INSR: variants seen among roughly 807,000 people sequenced by gnomAD.
INSR encodes IR.
INSR carries 67 observed loss-of-function variants against 142.6 expected under a neutral mutation model. That is an observed-to-expected ratio of 0.47 (90% confidence interval 0.39 to 0.58). The LOEUF is 0.58. Among genes scored for constraint, INSR ranks in the 20% least tolerant of loss-of-function variants. The pLI, the probability that INSR is intolerant of heterozygous loss-of-function variation, is 0.00. For synonymous variants in INSR, 756 were observed against 743.1 expected (o/e 1.02, Z -0.28); for missense variants, 1,248 against 1,833.2 (o/e 0.68, Z 5.83).
chr19:7,288,377 C>T (rs1463234185), intron 1 of INSR, among the ~76,000 whole-genome samples: 1 of 151,836 alleles, frequency 6.6e-6, no homozygotes, highest in African/African-American at 2.4e-5. Context: ...GTGGTGCCTG[C>T]CTGTGATCCT....
In INSR at chr19:7,152,748, G is replaced by A. The variant is rs1353116498; in HGVS notation, c.2209C>T (p.His737Tyr). 6.2e-7 allele frequency: 1 copy of A among 1,612,932 alleles called. No individual in the cohort carries two copies. Among genetic ancestry groups the A allele is most frequent in the Non-Finnish European group, 8.5e-7 (1 of 1,179,894 alleles). Residue 737 changes from histidine to tyrosine, a missense_variant, in exon 10 of 22, where the codon CAC (histidine) becomes TAC (tyrosine). This residue lies in a region of INSR where 1,069 missense variants were observed against 1,654.0 expected (regional missense o/e 0.65). Coordinates refer to ENST00000302850, the MANE Select transcript of INSR (RefSeq NM_000208.4). ...GACCTGGGGACGAAAACCACGTTGT[G>A]CAGGTAATCCTCAAACGTCTTCCTA... ...SFRKTFEDYL[H>Y]NVVFVPRKTS... is the part of the protein sequence containing the mutation.
intron 1 of INSR, among the ~76,000 whole-genome samples, chr19:7,280,170 AG>A (rs1444885422): frequency 6.6e-6 from 1 of 152,096 alleles, no homozygotes; most frequent in Non-Finnish European, 1.5e-5. Context: ...AGGCTGAGGC[AG>A]GAGAATGGCG....
intron 2 of INSR, among the ~76,000 whole-genome samples, chr19:7,202,031 T>C (rs1263485874): frequency 6.6e-6 from 1 of 152,170 alleles, no homozygotes; most frequent in Non-Finnish European, 1.5e-5. Context: ...GTTTTATTGA[T>C]TCCTCCCTCT....
chr19:7,290,374 C>A (rs1968458375), intron 1 of INSR, among the ~76,000 whole-genome samples: 1 of 152,064 alleles, frequency 6.6e-6, no homozygotes, highest in South Asian at 2.1e-4. Flanking sequence ...CAACTGCACT[C>A]CAGCCTAAGC....
chr19:7,211,045 T>C (rs987706615), intron 2 of INSR, among the ~76,000 whole-genome samples: 1 of 152,070 alleles, frequency 6.6e-6, no homozygotes, highest in African/African-American at 2.4e-5. Flanking sequence ...TCCAGAAAAA[T>C]TGTCCCCTTG....
chr19:7,218,778 A>G (rs1975513204), intron 2 of INSR, among the ~76,000 whole-genome samples: 1 of 152,156 alleles, frequency 6.6e-6, no homozygotes, highest in Non-Finnish European at 1.5e-5. Context: ...TCCTGACCCC[A>G]GGTGATCCAC....
chr19:7,272,925 C>CA (rs1373087261), intron 1 of INSR, among the ~76,000 whole-genome samples: 8 of 151,972 alleles, frequency 5.3e-5, no homozygotes, highest in Admixed American at 1.3e-4. Context: ...TCCATTCATA[C>CA]AAAAAAATCC....
intron 9 of INSR, among the ~76,000 whole-genome samples, chr19:7,156,659 T>C (rs1020362044): frequency 1.3e-5 from 2 of 151,036 alleles, no homozygotes; most frequent in East Asian, 3.9e-4. Flanking sequence ...TGAGAGGAGA[T>C]AGAGGAAGGA....
Position 7,166,451 on chromosome 19 carries a change from A to G in INSR, c.1611-47T>C, listed in dbSNP as rs1054370084. On this transcript the variant is annotated intron_variant, in intron 7 of 21. Transcript: ENST00000302850. The surrounding 1 kb of genome is among the most constrained non-coding windows in gnomAD (Gnocchi z 4.1). ...AGGCAGTTACCCTTACAAGACCGTC[A>G]CACTGAGTGCCGTGCAGATGAGGCC... 1 of 1,605,516 alleles carries G rather than the reference A, an allele frequency of 6.2e-7. No homozygotes were observed. The highest frequency in any genetic ancestry group is 1.3e-5 in the African/African-American group (1 of 74,952).
rs1225665577 is a variant in INSR at position 7,192,094 on chromosome 19, T to G, written c.653-7457A>C. On this transcript the variant is annotated intron_variant, in intron 2 of 21. Coordinates refer to ENST00000302850, the MANE Select transcript of INSR (RefSeq NM_000208.4). This position sits in a 1 kb window ranked among gnomAD's most constrained non-coding sequence, Gnocchi z 4.2. ...AAAGAAAGAGAGAAAGAAGAAAGAATACAGAAAGAGAAAAAAGAAAAGAAA... is the reference window on the plus strand; with the variant it reads ...AAAGAAAGAGAGAAAGAAGAAAGAAGACAGAAAGAGAAAAAAGAAAAGAAA... 1.3e-5 allele frequency among the ~76,000 whole-genome samples: 1 copy of G among 75,944 alleles called. No homozygotes were observed. Among genetic ancestry groups the G allele is most frequent in the African/African-American group, 5.4e-5 (1 of 18,406 alleles). 49.8% of individuals were successfully genotyped at this position (75,944 alleles called of 152,430 possible).
Position 7,294,022 on chromosome 19 carries a change from G to T in INSR, c.-131C>A. 1 of 1,015,704 alleles carries T rather than the reference G, an allele frequency of 9.8e-7. No homozygotes were observed. Among genetic ancestry groups the T allele is most frequent in the South Asian group, 4.8e-5 (1 of 20,680 alleles). 62.9% of individuals were successfully genotyped at this position (1,015,704 alleles called of 1,614,324 possible). ...TCTCTTCCACGCCCGCGACCCGCGGGCCGCAGCCCCCCTGCCGGGGAGGGC... is the reference window on the plus strand; with the variant it reads ...TCTCTTCCACGCCCGCGACCCGCGGTCCGCAGCCCCCCTGCCGGGGAGGGC... On this transcript the variant is annotated 5_prime_UTR_variant, in exon 1 of 22. Transcript: ENST00000302850.
chr19:7,281,022 T>C (rs2145236867), intron 1 of INSR, among the ~76,000 whole-genome samples: 1 of 152,332 alleles, frequency 6.6e-6, no homozygotes, highest in East Asian at 1.9e-4. Context: ...AACTCTGGAA[T>C]GTCTGACTCC....
intron 1 of INSR, among the ~76,000 whole-genome samples, chr19:7,282,703 A>G (rs1238356763): frequency 6.6e-6 from 1 of 151,430 alleles, no homozygotes; most frequent in African/African-American, 2.4e-5. Flanking sequence ...AATAGGCAAC[A>G]TGGCCAGGCG....
chr19:7,150,461 G>T lies in INSR; in HGVS notation c.2267+36C>A, dbSNP rs371985431. The T allele has an allele frequency of 6.2e-7, 1 of 1,608,686 alleles. No individual in the cohort carries two copies. The highest frequency in any genetic ancestry group is 8.5e-7 in the Non-Finnish European group (1 of 1,175,292). ...GCCTGGCACGCCGCCGGCCCTGCGC[G>T]GAGCAGGCACCAGGGGTCGCACAGG... On this transcript the variant is annotated intron_variant, in intron 11 of 21. Transcript: ENST00000302850. This position sits in a 1 kb window ranked among gnomAD's most constrained non-coding sequence, Gnocchi z 4.2.
At position 7,150,380 on chromosome 19, in the gene INSR, C is replaced by G; in HGVS notation, c.2267+117G>C. Reference sequence around the variant, plus strand: ...TTGGTGAAGCATCTGCTCTCCAGCACAGCTGCCCGCCGCATGCAAAAAGCC... The same window carrying G: ...TTGGTGAAGCATCTGCTCTCCAGCAGAGCTGCCCGCCGCATGCAAAAAGCC... On this transcript the variant is annotated intron_variant, in intron 11 of 21. Transcript: ENST00000302850. This position sits in a 1 kb window ranked among gnomAD's most constrained non-coding sequence, Gnocchi z 4.2. The G allele has an allele frequency of 1.2e-6, 1 of 865,544 alleles. No individual in the cohort carries two copies. Among genetic ancestry groups the G allele is most frequent in the Non-Finnish European group, 1.9e-6 (1 of 523,888 alleles). 53.6% of individuals were successfully genotyped at this position (865,544 alleles called of 1,614,324 possible). A position where few individuals can be genotyped will look rare whatever the true frequency, so the allele number is the denominator to read the frequency against.
chr19:7,206,599 C>G (rs1975111239), intron 2 of INSR, among the ~76,000 whole-genome samples: 1 of 152,162 alleles, frequency 6.6e-6, no homozygotes, highest in East Asian at 1.9e-4. Flanking sequence ...GTTGCACGCT[C>G]TTTATGAGAA....
At chr19:7,256,890 A>G (rs562483889) in intron 2 of INSR, among the ~76,000 whole-genome samples, 1 of 147,814 alleles carries the variant, frequency 6.8e-6, no homozygotes, top group South Asian at 2.1e-4. Context: ...CGAATGAGAG[A>G]TTCAAGTGGG....
At chr19:7,241,172 A>AT (rs1241088827) in intron 2 of INSR, among the ~76,000 whole-genome samples, 10 of 113,698 alleles carry the variant, frequency 8.8e-5, no homozygotes, top group African/African-American at 3.0e-4. Context: ...TTTTTATTTT[A>AT]TTTTGTTTTT....
chr19:7,263,231 A>G (rs2145200809), intron 2 of INSR, among the ~76,000 whole-genome samples: 1 of 152,042 alleles, frequency 6.6e-6, no homozygotes, highest in Admixed American at 6.6e-5. Flanking sequence ...GTGAGCTGAG[A>G]TCACACCACT....
Sources: gnomAD v4.1 joint callset for allele counts (sites outside exome capture counted in the v4.1 genomes callset) on GRCh38, gnomAD v4.1.1 for gene constraint, gnomAD v4.1.1 regional missense constraint, Gnocchi (gnomAD v3.1) non-coding constraint, MANE v1.5 for transcripts, NCBI Gene and HGNC (gene_info 2026-07-23, HGNC 2026-07-21) for gene names.